Variants in NAALADL2 observed in about 807,000 individuals in gnomAD.
NAALADL2 encodes N-acetylated alpha-linked acidic dipeptidase like 2.
In NAALADL2, 76 loss-of-function variants were observed where a neutral mutation model predicts 87.2. The observed-to-expected ratio is 0.87, with a 90% CI of 0.72 to 1.05. The LOEUF is 1.05. Among genes scored for constraint, NAALADL2 ranks in the 50% least tolerant of loss-of-function variants. The pLI, the probability that NAALADL2 is intolerant of heterozygous loss-of-function variation, is 0.00. For missense variants in NAALADL2, 1,089 were observed against 945.8 expected, an observed-to-expected ratio of 1.15 and a Z score of -1.99; for synonymous variants, 354 against 331.0, an observed-to-expected ratio of 1.07 and a Z score of -0.75.
At chr3:175,758,952 C>G (rs1191339892) in intron 13 of NAALADL2, among the ~76,000 whole-genome samples, 4 of 151,738 alleles carry the variant, frequency 2.6e-5, no homozygotes, top group Admixed American at 2.6e-4. Context: ...TGTGTAAAGC[C>G]AAATACTTCA....
chr3:175,394,172 G>A (rs1769463874), intron 5 of NAALADL2, among the ~76,000 whole-genome samples: 1 of 152,110 alleles, frequency 6.6e-6, no homozygotes, highest in African/African-American at 2.4e-5. Context: ...ATCATTGAAA[G>A]CTGTTAATAT....
At chr3:174,837,844 A>G (rs569836511) in intron 3 of NAALADL2, among the ~76,000 whole-genome samples, 2 of 151,974 alleles carry the variant, frequency 1.3e-5, no homozygotes, top group East Asian at 1.9e-4. Flanking sequence ...ACCAACACAA[A>G]GAAGTCCAGG....
intron 2 of NAALADL2, among the ~76,000 whole-genome samples, chr3:175,187,466 G>T (rs941136530): frequency 4.6e-5 from 7 of 151,962 alleles, no homozygotes; most frequent in African/African-American, 1.7e-4. Flanking sequence ...GTAAGCTTTA[G>T]GTTTGAATCT....
chr3:175,284,713 C>A (rs2110102470), intron 4 of NAALADL2, among the ~76,000 whole-genome samples: 1 of 152,144 alleles, frequency 6.6e-6, no homozygotes, highest in South Asian at 2.1e-4. Context: ...AATTAAATTA[C>A]ATAACTAAAT....
chr3:174,949,477 T>A (rs1348130940), intron 1 of NAALADL2, among the ~76,000 whole-genome samples: 1 of 152,148 alleles, frequency 6.6e-6, no homozygotes, highest in Non-Finnish European at 1.5e-5. Flanking sequence ...GTTGCAGCCA[T>A]CATTGAAAAA....
chr3:174,542,346 T>G (rs1722321717), intron 1 of NAALADL2, among the ~76,000 whole-genome samples: 1 of 152,188 alleles, frequency 6.6e-6, no homozygotes, highest in Non-Finnish European at 1.5e-5. Context: ...TACTGTTTCC[T>G]GCTGATCTTA....
At chr3:174,572,924 T>C (rs1715100364) in intron 2 of NAALADL2, among the ~76,000 whole-genome samples, 1 of 152,210 alleles carries the variant, frequency 6.6e-6, no homozygotes, top group South Asian at 2.1e-4. Flanking sequence ...GGTATGATCC[T>C]AATTTCCCAC....
chr3:174,583,112 TAAATAGC>T (rs1258627507), intron 2 of NAALADL2, among the ~76,000 whole-genome samples: 3 of 152,206 alleles, frequency 2.0e-5, no homozygotes, highest in Non-Finnish European at 4.4e-5. Context: ...ACAAGGTTAC[TAAATAGC>T]AACCAGCTGA....
chr3:174,513,814 A>C (rs879165416), intron 1 of NAALADL2, among the ~76,000 whole-genome samples: 1 of 152,210 alleles, frequency 6.6e-6, no homozygotes. Context: ...CTAACAAAGA[A>C]TTTCACATGA....
chr3:175,473,565 A>G (rs1356903303), intron 9 of NAALADL2, among the ~76,000 whole-genome samples: 4 of 151,594 alleles, frequency 2.6e-5, no homozygotes, highest in Admixed American at 2.6e-4. Context: ...AATATAAATA[A>G]CTTAATATAT....
chr3:175,702,993 T>C (rs949178081), intron 11 of NAALADL2, among the ~76,000 whole-genome samples: 1 of 152,104 alleles, frequency 6.6e-6, no homozygotes, highest in Admixed American at 6.5e-5. Flanking sequence ...TGCTACAAAA[T>C]ATCCTATGTA....
At chr3:175,032,922 T>G (rs1007711553) in intron 1 of NAALADL2, among the ~76,000 whole-genome samples, 2 of 152,054 alleles carry the variant, frequency 1.3e-5, no homozygotes, top group African/African-American at 4.8e-5. Flanking sequence ...TTAAAAGGGA[T>G]GCCATAGCTC....
intron 5 of NAALADL2, among the ~76,000 whole-genome samples, chr3:175,353,002 G>A (rs184219917): frequency 2.0e-5 from 3 of 152,146 alleles, no homozygotes; most frequent in African/African-American, 4.8e-5. Flanking sequence ...AACCCTGAAA[G>A]ACAGGGCATT....
chr3:174,882,424 G>GTT (rs1325184450), intron 1 of NAALADL2, among the ~76,000 whole-genome samples: 1 of 122,292 alleles, frequency 8.2e-6, no homozygotes, highest in Non-Finnish European at 1.6e-5. Flanking sequence ...GTGTATGTGT[G>GTT]TTGTGTGTGT....
intron 2 of NAALADL2, among the ~76,000 whole-genome samples, chr3:174,666,480 T>C (rs1333777737): frequency 6.6e-6 from 1 of 152,170 alleles, no homozygotes; most frequent in Non-Finnish European, 1.5e-5. Context: ...TATAGATGAC[T>C]TTCCTTGAAG....
At chr3:175,510,327 C>T (rs1290722411) in intron 9 of NAALADL2, among the ~76,000 whole-genome samples, 1 of 152,058 alleles carries the variant, frequency 6.6e-6, no homozygotes. Flanking sequence ...AACTAAAATT[C>T]AAGATGAGAT....
Position 174,688,568 on chromosome 3 carries a change from GTTA to G in NAALADL2, c.-114-49067_-114-49065del, listed in dbSNP as rs564741015. On this transcript the variant is annotated intron_variant, in intron 2 of 3. Transcript: ENST00000434257. ...AGAAAGCAGTATCTTTCTATTGGCT[GTTA>G]TTATTCTTCTCAATAAAAATTTAGA... Among the ~76,000 whole-genome samples, 49 of 152,098 alleles carry G rather than the reference GTTA, an allele frequency of 3.2e-4. No individual in the cohort carries two copies. In the South Asian group the frequency reaches 9.5e-3, roughly 30 times the overall value.
chr3:175,657,252 CTATT>C (rs981650526), intron 11 of NAALADL2, among the ~76,000 whole-genome samples: 14 of 152,130 alleles, frequency 9.2e-5, no homozygotes, highest in African/African-American at 3.4e-4. Flanking sequence ...ATTAATATAA[CTATT>C]TAAGTGAATA....
intron 3 of NAALADL2, among the ~76,000 whole-genome samples, chr3:174,825,879 T>C (rs1283961651): frequency 6.6e-6 from 1 of 151,896 alleles, no homozygotes; most frequent in Non-Finnish European, 1.5e-5. Flanking sequence ...CACAAAAAAT[T>C]AGGCGGGCGT....
Sources: allele counts gnomAD v4.1 joint callset (sites outside exome capture counted in the v4.1 genomes callset), GRCh38; gene constraint gnomAD v4.1.1; transcripts MANE v1.5; gene names NCBI Gene and HGNC (gene_info 2026-07-23, HGNC 2026-07-21).